The following FAM20A variants were observed in gnomAD, a reference collection of about 807,000 sequenced individuals.
FAM20A encodes the protein FAM20A golgi associated secretory pathway pseudokinase, also known as pseudokinase FAM20A.
Under a neutral mutation model 52.0 loss-of-function variants are expected in FAM20A, and 42 were observed. The ratio of observed to expected loss-of-function variants is 0.81; its 90% CI spans 0.63 to 1.04. The LOEUF (loss-of-function observed/expected upper bound fraction) is 1.04, where lower values mean the gene tolerates loss of function less well. FAM20A is among the 50% of genes least tolerant of loss of function. The pLI is 0.00. For missense variants in FAM20A, 742 were observed against 712.7 expected (o/e 1.04, Z -0.47); for synonymous variants, 304 against 298.9 (o/e 1.02, Z -0.18).
At chr17:68,554,007 CATAT>C (rs566384985) in intron 3 of FAM20A, among the ~76,000 whole-genome samples, 1 of 84,440 alleles carries the variant, frequency 1.2e-5, no homozygotes, top group Non-Finnish European at 2.3e-5. Flanking sequence ...CACATATATG[CATAT>C]ATACATATAT....
chr17:68,574,849 G>A (rs935736128), intron 1 of FAM20A, among the ~76,000 whole-genome samples: 1 of 152,048 alleles, frequency 6.6e-6, no homozygotes, highest in Non-Finnish European at 1.5e-5. Context: ...CAGATGGGCT[G>A]GCAGATATGA....
At chr17:68,547,784 A>G (rs1050278497) in intron 4 of FAM20A, among the ~76,000 whole-genome samples, 7 of 152,192 alleles carry the variant, frequency 4.6e-5, no homozygotes, top group African/African-American at 1.7e-4. Context: ...TTGCTTTCTT[A>G]TCATTCGTGT....
intron 1 of FAM20A, among the ~76,000 whole-genome samples, chr17:68,583,668 G>A (rs2088080500): frequency 6.6e-6 from 1 of 152,172 alleles, no homozygotes; most frequent in Admixed American, 6.5e-5. Flanking sequence ...TGTAATTGCA[G>A]CACTTTGGGA....
intron 4 of FAM20A, among the ~76,000 whole-genome samples, chr17:68,547,114 G>A (rs900554401): frequency 6.6e-6 from 1 of 152,004 alleles, no homozygotes; most frequent in East Asian, 1.9e-4. Flanking sequence ...AGGCTTTGAG[G>A]CTCCATTTAG....
rs963094141 is a variant in FAM20A, at chr17:68,600,437, C to T, written c.230G>A (p.Arg77Gln). The change falls in exon 1 of 11, where the codon CGG becomes CAG. Residue 77 changes from arginine to glutamine, a missense_variant. Coordinates refer to ENST00000592554, the MANE Select transcript of FAM20A (RefSeq NM_017565.4). This position sits in a 1 kb window ranked among gnomAD's most constrained non-coding sequence, Gnocchi z 6.2. ...GTGGCTGCCGCCAGCCGGTTCAGTC[C>T]GGGGCTCGGTTCGGGAAAAGTTGTG... ...IVHNFSRTEP[R>Q]TEPAGGSHSG... 20 of 1,611,052 alleles carry T rather than the reference C, an allele frequency of 1.2e-5. No homozygotes were observed. The highest frequency in any genetic ancestry group is 1.5e-5 in the Non-Finnish European group (18 of 1,178,984).
chr17:68,581,388 T>TTCTTTC (rs2087961605), intron 1 of FAM20A, among the ~76,000 whole-genome samples: 4 of 146,556 alleles, frequency 2.7e-5, no homozygotes, highest in African/African-American at 1.0e-4. Context: ...CTTTCTTTCT[T>TTCTTTC]TCTTTCTTTC....
At chr17:68,581,378 C>CTTTCTTTCTTTCT (rs1568774002) in intron 1 of FAM20A, among the ~76,000 whole-genome samples, 1 of 143,226 alleles carries the variant, frequency 7.0e-6, no homozygotes, top group African/African-American at 2.7e-5. Context: ...TTCTTTCTTT[C>CTTTCTTTCTTTCT]TTTCTTTCTT....
intron 1 of FAM20A, among the ~76,000 whole-genome samples, chr17:68,597,678 C>G (rs1466147856): frequency 1.3e-5 from 2 of 152,218 alleles, no homozygotes; most frequent in Admixed American, 1.3e-4. Context: ...AGCCACTGTG[C>G]CTGGCCCTCA....
intron 1 of FAM20A, among the ~76,000 whole-genome samples, chr17:68,575,863 C>G (rs1246258106): frequency 7.0e-6 from 1 of 142,738 alleles, no homozygotes; most frequent in Non-Finnish European, 1.5e-5. Flanking sequence ...CAGCTGCCAC[C>G]GGGCAGGGCG....
rs373249945 is a variant in FAM20A at position 68,572,001 on chromosome 17, TA to T, written c.405-16259del. Among the ~76,000 whole-genome samples the T allele has an allele frequency of 8.7e-3, 770 of 88,436 alleles. 16 individuals are homozygous for T. Among genetic ancestry groups the T allele is most frequent in the African/African-American group, 0.017 (328 of 19,848 alleles). 58.0% of individuals were successfully genotyped at this position (88,436 alleles called of 152,430 possible). A position where few individuals can be genotyped will look rare whatever the true frequency, so the allele number is the denominator to read the frequency against. On this transcript the variant is annotated intron_variant, in intron 1 of 10. Transcript: ENST00000592554. Reference sequence around the variant, plus strand: ...GTATATACATACATATATATATATATATATATATATATATATATATATATAT... The same window carrying T: ...GTATATACATACATATATATATATATTATATATATATATATATATATATAT...
At chr17:68,560,595 AGG>A (rs1055723245) in intron 1 of FAM20A, among the ~76,000 whole-genome samples, 15 of 152,184 alleles carry the variant, frequency 9.9e-5, no homozygotes, top group African/African-American at 3.6e-4. Context: ...GCAAACTTCT[AGG>A]TTGTTTGTAA....
rs2907373 is a variant in FAM20A, at chr17:68,537,514, A to G, written c.1589T>C (p.Leu530Ser). The G allele has an allele frequency of 0.68, 1,101,593 of 1,613,080 alleles. 379,606 individuals carry two copies. The highest frequency in any genetic ancestry group is 0.92 in the East Asian group (41,321 of 44,824). ...SVIVDGPVEQ[L>S]APDSGQANLT... ...GTTAGCCTGGCCAGAGTCTGGGGCCAACTGTTCCACTGGGCCGTCGACTAT... is the reference window on the plus strand; with the variant it reads ...GTTAGCCTGGCCAGAGTCTGGGGCCGACTGTTCCACTGGGCCGTCGACTAT... Residue 530 changes from leucine (L) to serine (S), a missense_variant, in exon 11 of 11, where the codon TTG (leucine) becomes TCG (serine). By Grantham distance (145) the Leu-to-Ser change is moderately radical. Transcript: ENST00000592554. The surrounding 1 kb of genome is among the most constrained non-coding windows in gnomAD (Gnocchi z 4.2).
At chr17:68,541,007 T>C (rs373331457) in intron 7 of FAM20A, 49 bp from the exon 8 acceptor site, 1 of 1,550,476 alleles carries the variant, frequency 6.4e-7, no homozygotes, top group Non-Finnish European at 8.7e-7. Context: ...GATGGCAGGG[T>C]GTCGGGGGTC....
intron 1 of FAM20A, among the ~76,000 whole-genome samples, chr17:68,582,018 G>T (rs1191521139): frequency 1.3e-5 from 2 of 152,190 alleles, no homozygotes; most frequent in Non-Finnish European, 2.9e-5. Flanking sequence ...TTAACATAGA[G>T]TAAGTGCCGC....
chr17:68,553,980 G>GCATATATACATATACACA (rs2086964866), intron 3 of FAM20A, among the ~76,000 whole-genome samples: 3 of 98,190 alleles, frequency 3.1e-5, no homozygotes, highest in Non-Finnish European at 2.1e-5. Flanking sequence ...ATACACACAT[G>GCATATATACATATACACA]CATATATACA....
intron 7 of FAM20A, chr17:68,541,575 G>T (rs758091017): frequency 9.7e-5 from 19 of 196,380 alleles, no homozygotes; most frequent in Non-Finnish European, 1.8e-4. Flanking sequence ...TGGGGATACA[G>T]CAGTGAGGTC....
intron 1 of FAM20A, among the ~76,000 whole-genome samples, chr17:68,562,685 T>C (rs151207877): frequency 1.6e-4 from 24 of 151,384 alleles, no homozygotes; most frequent in Admixed American, 8.6e-4. Flanking sequence ...AAAAAAAATA[T>C]TTCCTCTTGT....
intron 3 of FAM20A, 44 bp from the exon 4 acceptor site, chr17:68,551,995 A>C: frequency 7.6e-7 from 1 of 1,320,648 alleles, no homozygotes; most frequent in Non-Finnish European, 1.1e-6. Context: ...TCCGGGCCTC[A>C]GCCAAGGCTT....
chr17:68,568,579 T>C (rs1411080034), intron 1 of FAM20A, among the ~76,000 whole-genome samples: 1 of 151,902 alleles, frequency 6.6e-6, no homozygotes, highest in African/African-American at 2.4e-5. Flanking sequence ...TTCAAGACTT[T>C]ATGCTTTCTG....
Sources: allele counts gnomAD v4.1 joint callset (sites outside exome capture counted in the v4.1 genomes callset), GRCh38; gene constraint gnomAD v4.1.1; non-coding constraint Gnocchi (gnomAD v3.1); transcripts MANE v1.5; gene names NCBI Gene and HGNC (gene_info 2026-07-23, HGNC 2026-07-21).